Variants in SOX5 observed in about 807,000 individuals in gnomAD.
SOX5 encodes SRY-box transcription factor 5, also known as transcription factor SOX-5.
In SOX5, 9 loss-of-function variants were observed where a neutral mutation model predicts 92.0. The ratio of observed to expected loss-of-function variants is 0.10; its 90% confidence interval spans 0.06 to 0.17. The LOEUF (loss-of-function observed/expected upper bound fraction) is 0.17, where lower values mean the gene tolerates loss of function less well. Ranked by LOEUF, SOX5 falls within the 10% of genes least tolerant of loss-of-function variation. The probability of loss-of-function intolerance (pLI) is 1.00; values close to 1 mark genes in which losing one functional copy is unlikely to be tolerated. For missense variants in SOX5, 642 were observed against 944.5 expected, an observed-to-expected ratio of 0.68 and a Z score of 4.20; for synonymous variants, 344 against 336.3, an observed-to-expected ratio of 1.02 and a Z score of -0.25.
chr12:24,312,644 C>A (rs975863419), intron 2 of SOX5, among the ~76,000 whole-genome samples: 1 of 152,172 alleles, frequency 6.6e-6, no homozygotes, highest in South Asian at 2.1e-4. Flanking sequence ...ATTAGCAGGT[C>A]ATAAAATGCA....
intron 6 of SOX5, among the ~76,000 whole-genome samples, chr12:23,681,382 G>T (rs1384133874): frequency 6.6e-6 from 1 of 151,812 alleles, no homozygotes; most frequent in African/African-American, 2.4e-5. Flanking sequence ...CAGAAAGTAT[G>T]AATTAAATGA....
intron 2 of SOX5, among the ~76,000 whole-genome samples, chr12:24,358,736 A>T (rs140953620): frequency 6.6e-6 from 1 of 152,258 alleles, no homozygotes; most frequent in Admixed American, 6.5e-5. Context: ...AATGGCAAGC[A>T]TAGGTCATTA....
intron 3 of SOX5, among the ~76,000 whole-genome samples, chr12:23,829,090 A>T (rs1229682132): frequency 6.6e-6 from 1 of 151,996 alleles, no homozygotes; most frequent in African/African-American, 2.4e-5. Context: ...AGTGCTGTCC[A>T]TGCCTTTCCC....
At chr12:23,995,338 A>T (rs578130837) in intron 4 of SOX5, among the ~76,000 whole-genome samples, 3 of 152,342 alleles carry the variant, frequency 2.0e-5, no homozygotes, top group East Asian at 1.9e-4. Context: ...TAATAAAAAG[A>T]TAACATTTCA....
At chr12:24,239,235 A>C (rs1965101779) in intron 3 of SOX5, among the ~76,000 whole-genome samples, 1 of 152,240 alleles carries the variant, frequency 6.6e-6, no homozygotes, top group African/African-American at 2.4e-5. Context: ...AATTGATATA[A>C]CTATTTACAA....
intron 4 of SOX5, among the ~76,000 whole-genome samples, chr12:24,150,066 G>A (rs952958025): frequency 6.6e-6 from 1 of 152,112 alleles, no homozygotes; most frequent in East Asian, 1.9e-4. Flanking sequence ...TGATAATGGT[G>A]ACTATTTTTT....
At chr12:23,829,118 A>T (rs1459454286) in intron 3 of SOX5, among the ~76,000 whole-genome samples, 7 of 147,584 alleles carry the variant, frequency 4.7e-5, no homozygotes, top group South Asian at 2.1e-4. Context: ...ACTCCTATTT[A>T]AAAAAAAAAG....
chr12:23,711,950 G>T (rs1486298305), intron 6 of SOX5, among the ~76,000 whole-genome samples: 1 of 152,088 alleles, frequency 6.6e-6, no homozygotes, highest in Non-Finnish European at 1.5e-5. Flanking sequence ...TATTTCTAAT[G>T]ACTATAACAA....
intron 4 of SOX5, among the ~76,000 whole-genome samples, chr12:24,188,708 A>G (rs1956243292): frequency 6.6e-6 from 1 of 152,170 alleles, no homozygotes; most frequent in Admixed American, 6.5e-5. Context: ...ATAAGTTTAG[A>G]TGTCATTCAG....
chr12:23,924,191 A>G (rs1238043934), intron 1 of SOX5, among the ~76,000 whole-genome samples: 1 of 152,230 alleles, frequency 6.6e-6, no homozygotes, highest in African/African-American at 2.4e-5. Context: ...ATGTTATGGA[A>G]ATATCAAAAA....
chr12:24,405,574 A>G (rs1962753728), intron 1 of SOX5, among the ~76,000 whole-genome samples: 1 of 152,208 alleles, frequency 6.6e-6, no homozygotes, highest in Admixed American at 6.5e-5. Flanking sequence ...CTTTGAGTGC[A>G]AAATAAGGTA....
chr12:24,554,403 T>C (rs536041117), intron 1 of SOX5, among the ~76,000 whole-genome samples: 13 of 152,318 alleles, frequency 8.5e-5, no homozygotes, highest in Admixed American at 8.5e-4. Flanking sequence ...GTCAGTCTTT[T>C]TAAGTAGAGA....
At chr12:23,661,480 T>C (rs955155408) in intron 7 of SOX5, among the ~76,000 whole-genome samples, 1 of 152,178 alleles carries the variant, frequency 6.6e-6, no homozygotes, top group Admixed American at 6.5e-5. Context: ...AATGTCGCTC[T>C]CAAGTATAAA....
rs552727683 is a variant in SOX5 at position 24,292,594 on chromosome 12, A to G, written c.-173-15282T>C. Among the ~76,000 whole-genome samples, 361 of 152,342 alleles carry G rather than the reference A, an allele frequency of 2.4e-3. 1 individual carries two copies. Among genetic ancestry groups the G allele is most frequent in the African/African-American group, 8.0e-3 (332 of 41,580 alleles). ...AAAGACAAAATTTTGACCTTTTCACATAGACCACAATTTCACAAAGAGAAT... is the reference window on the plus strand; with the variant it reads ...AAAGACAAAATTTTGACCTTTTCACGTAGACCACAATTTCACAAAGAGAAT... On this transcript the variant is annotated intron_variant, in intron 2 of 4. Coordinates refer to the SOX5 transcript ENST00000446891.
At chr12:23,765,385 CAAAAAAAAAAAAA>C (rs373571301) in intron 3 of SOX5, among the ~76,000 whole-genome samples, 4 of 31,432 alleles carry the variant, frequency 1.3e-4, no homozygotes, top group East Asian at 1.2e-3. Flanking sequence ...TGTAAAACAG[CAAAAAAAAAAAAA>C]AAAAAAAAAA....
chr12:24,208,462 A>G (rs1381758499), intron 4 of SOX5, among the ~76,000 whole-genome samples: 1 of 152,176 alleles, frequency 6.6e-6, no homozygotes, highest in Admixed American at 6.5e-5. Flanking sequence ...ACTCAAGCCC[A>G]AGAGGAACAT....
intron 1 of SOX5, among the ~76,000 whole-genome samples, chr12:24,500,924 C>T (rs1010624518): frequency 1.3e-4 from 20 of 152,150 alleles, no homozygotes; most frequent in Admixed American, 3.3e-4. Context: ...AAGAAACCAT[C>T]GGTCTTATAA....
At chr12:23,559,060 G>A (rs1945745498) in intron 11 of SOX5, among the ~76,000 whole-genome samples, 1 of 152,190 alleles carries the variant, frequency 6.6e-6, no homozygotes, top group Non-Finnish European at 1.5e-5. Context: ...TCTCATTTCG[G>A]CTGAGTGCAC....
intron 1 of SOX5, among the ~76,000 whole-genome samples, chr12:24,482,154 G>A (rs1946065050): frequency 6.6e-6 from 1 of 152,182 alleles, no homozygotes; most frequent in Admixed American, 6.5e-5. Flanking sequence ...AACAGGAGAA[G>A]TAGCTAGTGC....
Sources: gnomAD v4.1 joint callset for allele counts (sites outside exome capture counted in the v4.1 genomes callset) on GRCh38, gnomAD v4.1.1 for gene constraint, MANE v1.5 for transcripts, NCBI Gene and HGNC (gene_info 2026-07-23, HGNC 2026-07-21) for gene names.